Variants in SPPL2A observed in about 807,000 individuals in gnomAD.
SPPL2A encodes the protein signal peptide peptidase like 2A.
In SPPL2A, 51 loss-of-function variants were observed where a neutral mutation model predicts 63.8. The observed-to-expected ratio is 0.80, with a 90% confidence interval of 0.64 to 1.01. The LOEUF (loss-of-function observed/expected upper bound fraction) is 1.01. SPPL2A is among the 50% of genes least tolerant of loss of function. The probability of loss-of-function intolerance (pLI) is 0.00; values close to 1 mark genes in which losing one functional copy is unlikely to be tolerated. For missense variants in SPPL2A, 553 were observed against 622.7 expected (o/e 0.89, Z 1.19); for synonymous variants, 188 against 205.8 (o/e 0.91, Z 0.74).
In SPPL2A at chr15:50,749,961, A is replaced by G. The variant is rs571028211; in HGVS notation, c.67-215T>C. The G allele has an allele frequency of 2.9e-4, 164 of 564,094 alleles. 1 individual carries two copies. Among genetic ancestry groups the G allele is most frequent in the Non-Finnish European group, 4.9e-4 (155 of 317,692 alleles). The allele number at this position is 564,094 out of a possible 1,614,324, so 34.9% of individuals were successfully genotyped here. A position where few individuals can be genotyped will look rare whatever the true frequency, so the allele number is the denominator to read the frequency against. On this transcript the variant is annotated intron_variant, in intron 1 of 14. Transcript: ENST00000261854. ...CCAGCACACCTTCTTTAAGGAAGAT[A>G]GGTCACTTTCTTAAGGGAGTAACAA... is the stretch of plus-strand genomic sequence containing the variant.
intron 11 of SPPL2A, 104 bp downstream of exon 11, chr15:50,726,217 T>C: frequency 6.8e-7 from 1 of 1,463,684 alleles, no homozygotes; most frequent in Non-Finnish European, 9.4e-7. Context: ...TTACAATACC[T>C]TAACATGCAC....
At chr15:50,730,801 G>A (rs1226872807) in intron 10 of SPPL2A, among the ~76,000 whole-genome samples, 164 bp downstream of exon 10, 2 of 152,104 alleles carry the variant, frequency 1.3e-5, no homozygotes, top group Non-Finnish European at 1.5e-5. Flanking sequence ...TAACAAAATG[G>A]ATTAAAAGCT....
At position 50,707,468 on chromosome 15, in the gene SPPL2A, T is replaced by C. The variant is rs1232534438; in HGVS notation, c.*332A>G. 5.2e-6 allele frequency: 1 copy of C among 192,016 alleles called. No homozygotes were observed. The highest frequency in any genetic ancestry group is 2.3e-5 in the African/African-American group (1 of 42,752). 11.9% of individuals were successfully genotyped at this position (192,016 alleles called of 1,614,324 possible). On this transcript the variant is annotated 3_prime_UTR_variant, in exon 15 of 15. Transcript: ENST00000261854. ...CCCATTCAGAAATAGTAACTACTTG[T>C]ATCTACCATCAGAGCTGAAAGAAAC...
chr15:50,757,989 T>TAAA (rs71210386), intron 1 of SPPL2A, among the ~76,000 whole-genome samples: 5,851 of 61,186 alleles, frequency 0.096, 171 homozygotes, highest in Non-Finnish European at 0.15. Flanking sequence ...GTCTCAATTA[T>TAAA]AAAAAAAAAA....
Position 50,765,495 on chromosome 15 carries a change from G to A in SPPL2A, c.39C>T (p.Ala13=), listed in dbSNP as rs1013150409. Residue 13 remains alanine (A), a synonymous_variant, in exon 1 of 15, where the codon GCC becomes GCT. Coordinates refer to ENST00000261854, the MANE Select transcript of SPPL2A (RefSeq NM_032802.4). Reference sequence around the variant, plus strand: ...GCTGGAGCAGGAAGCCCCAGAGTAGGGCGGCCCCGGCAGGGGACAGCCGCC... The same window carrying A: ...GCTGGAGCAGGAAGCCCCAGAGTAGAGCGGCCCCGGCAGGGGACAGCCGCC... ...PQRRLSPAGA[A]LLWGFLLQLT... The A allele has an allele frequency of 2.7e-5, 40 of 1,502,926 alleles. No homozygotes were observed. The highest frequency in any genetic ancestry group is 3.5e-5 in the Non-Finnish European group (40 of 1,133,582). The allele number at this position is 1,502,926 out of a possible 1,614,324, so 93.1% of individuals were successfully genotyped here.
chr15:50,752,148 A>G (rs1292058103), intron 1 of SPPL2A, among the ~76,000 whole-genome samples: 2 of 152,136 alleles, frequency 1.3e-5, no homozygotes, highest in African/African-American at 4.8e-5. Context: ...TCTTTTTAAA[A>G]GAGCTTTACT....
intron 1 of SPPL2A, among the ~76,000 whole-genome samples, chr15:50,753,247 T>C (rs2062924875): frequency 6.6e-6 from 1 of 152,180 alleles, no homozygotes; most frequent in African/African-American, 2.4e-5. Flanking sequence ...ACAATGTATC[T>C]GTGCATTTAT....
intron 12 of SPPL2A, 108 bp from the exon 13 acceptor site, chr15:50,722,309 T>C: frequency 4.7e-6 from 3 of 637,218 alleles, no homozygotes; most frequent in Non-Finnish European, 5.5e-6. Context: ...TGTTGCATTA[T>C]AAGAACATTC....
chr15:50,710,329 G>T (rs1431091465), intron 14 of SPPL2A, among the ~76,000 whole-genome samples: 1 of 151,830 alleles, frequency 6.6e-6, no homozygotes, highest in Non-Finnish European at 1.5e-5. Context: ...TAATCCCCAG[G>T]TACCTCACTG....
chr15:50,725,607 TTTTAGTAGAGACAG>T lies in SPPL2A; in HGVS notation c.1147-298_1147-285del, dbSNP rs2062680676. The T allele has an allele frequency of 1.2e-4, 30 of 240,462 alleles. No individual in the cohort carries two copies. The South Asian group carries it at 1.6e-3, about 12-fold the overall frequency. The allele number at this position is 240,462 out of a possible 1,614,324, so 14.9% of individuals were successfully genotyped here. A position where few individuals can be genotyped will look rare whatever the true frequency, so the allele number is the denominator to read the frequency against. On this transcript the variant is annotated intron_variant, in intron 11 of 14. Coordinates refer to ENST00000261854, the MANE Select transcript of SPPL2A (RefSeq NM_032802.4). Reference sequence around the variant, plus strand: ...CACCATGCCTGGCTAATTTTTCTGTTTTTAGTAGAGACAGGGTTTCACCATGTTGGCCAGGCTGG... The same window carrying T: ...CACCATGCCTGGCTAATTTTTCTGTTGGTTTCACCATGTTGGCCAGGCTGG...
intron 13 of SPPL2A, among the ~76,000 whole-genome samples, 191 bp from the exon 14 acceptor site, chr15:50,720,291 C>G (rs376042190): frequency 6.6e-6 from 1 of 152,144 alleles, no homozygotes; most frequent in African/African-American, 2.4e-5. Context: ...AATGTGGAAA[C>G]TGGTTAGCAT....
intron 14 of SPPL2A, among the ~76,000 whole-genome samples, chr15:50,717,972 T>TG (rs1430542637): frequency 3.9e-4 from 54 of 139,388 alleles, no homozygotes; most frequent in African/African-American, 1.4e-3. Context: ...ACTTTCGTTT[T>TG]TTTTTTTTTT....
rs1020929076 is a variant in SPPL2A, at chr15:50,706,711, T to TA, written c.*1088dup. On this transcript the variant is annotated 3_prime_UTR_variant, in exon 15 of 15. Transcript: ENST00000261854. ...AATTTCTTAAGAAAAATAATTTTTT[T>TA]AAAAAATCAAACCTTAACATTAACA... 1.3e-5 allele frequency: 2 copies of TA among 152,106 alleles called. No homozygotes were observed. The highest frequency in any genetic ancestry group is 1.9e-4 in the East Asian group (1 of 5,176). 9.4% of individuals were successfully genotyped at this position (152,106 alleles called of 1,614,324 possible).
intron 6 of SPPL2A, among the ~76,000 whole-genome samples, 199 bp from the exon 7 acceptor site, chr15:50,736,939 T>G (rs2062776001): frequency 6.6e-6 from 1 of 151,430 alleles, no homozygotes; most frequent in Non-Finnish European, 1.5e-5. Context: ...AGTCTCACTC[T>G]GTCGCCCAGT....
At chr15:50,713,081 GA>G (rs1198461581) in intron 14 of SPPL2A, among the ~76,000 whole-genome samples, 1 of 152,080 alleles carries the variant, frequency 6.6e-6, no homozygotes, top group Non-Finnish European at 1.5e-5. Context: ...CGTCAGAACT[GA>G]TGTCAAAGGC....
At chr15:50,740,123 A>C (rs1443118243) in intron 5 of SPPL2A, among the ~76,000 whole-genome samples, 4 of 152,124 alleles carry the variant, frequency 2.6e-5, no homozygotes, top group Non-Finnish European at 5.9e-5. Context: ...TTCTGCAGGC[A>C]AAATTGTTGA....
intron 1 of SPPL2A, among the ~76,000 whole-genome samples, chr15:50,765,186 AG>A (rs2063047215): frequency 1.3e-5 from 2 of 151,724 alleles, no homozygotes; most frequent in South Asian, 4.2e-4. Flanking sequence ...ACGCAACCTA[AG>A]GGGCTCCTCT....
At chr15:50,758,766 TA>T (rs74675033) in intron 1 of SPPL2A, among the ~76,000 whole-genome samples, 24,438 of 152,014 alleles carry the variant, frequency 0.16, 2,517 homozygotes, top group East Asian at 0.45. Context: ...ACAATCAACT[TA>T]AAAAAAATTT....
intron 12 of SPPL2A, among the ~76,000 whole-genome samples, chr15:50,723,392 A>C (rs117598933): frequency 0.017 from 2,599 of 152,346 alleles, 30 homozygotes; most frequent in African/African-American, 0.03. Flanking sequence ...AATAGCCAAG[A>C]TATGGAAGCA....
Sources: allele counts gnomAD v4.1 joint callset (sites outside exome capture counted in the v4.1 genomes callset), GRCh38; gene constraint gnomAD v4.1.1; transcripts MANE v1.5; gene names NCBI Gene and HGNC (gene_info 2026-07-23, HGNC 2026-07-21).